Variants in WWP2 observed in about 807,000 individuals in gnomAD.
The protein encoded by WWP2 is WW domain containing E3 ubiquitin protein ligase 2.
Under a neutral mutation model 121.0 loss-of-function variants are expected in WWP2, and 57 were observed. The observed-to-expected ratio is 0.47, with a 90% CI of 0.38 to 0.59. The LOEUF (loss-of-function observed/expected upper bound fraction) is 0.59, where lower values mean the gene tolerates loss of function less well. WWP2 is among the 20% of genes least tolerant of loss of function. The pLI, the probability that WWP2 is intolerant of heterozygous loss-of-function variation, is 0.00. For missense variants in WWP2, 962 were observed against 1,158.9 expected, an observed-to-expected ratio of 0.83 and a Z score of 2.47; for synonymous variants, 449 against 441.3, an observed-to-expected ratio of 1.02 and a Z score of -0.22.
intron 6 of WWP2, among the ~76,000 whole-genome samples, chr16:69,867,663 G>C: frequency 6.6e-6 from 1 of 152,204 alleles, no homozygotes; most frequent in East Asian, 1.9e-4. Flanking sequence ...GGAGGCCTCA[G>C]TTCTTGAGAG....
chr16:69,916,036 CA>C (rs11337802), intron 9 of WWP2, among the ~76,000 whole-genome samples: 93,383 of 136,670 alleles, frequency 0.68, 30,443 homozygotes, highest in East Asian at 0.96. Flanking sequence ...GAGACCCTGT[CA>C]AAAAAAAAAA....
intron 15 of WWP2, 50 bp downstream of exon 15, chr16:69,931,630 G>A (rs1223477737): frequency 6.2e-7 from 1 of 1,609,802 alleles, no homozygotes; most frequent in Admixed American, 1.7e-5. Flanking sequence ...CCTCCTCCCA[G>A]CACCCCATCT....
chr16:69,854,202 G>A (rs757918597), intron 6 of WWP2, among the ~76,000 whole-genome samples: 1 of 152,204 alleles, frequency 6.6e-6, no homozygotes, highest in Non-Finnish European at 1.5e-5. Context: ...AAGAGTATGG[G>A]TGTTGGAGAA....
At chr16:69,801,228 T>A (rs1294306261) in intron 4 of WWP2, among the ~76,000 whole-genome samples, 3 of 150,108 alleles carry the variant, frequency 2.0e-5, no homozygotes, top group African/African-American at 7.3e-5. Context: ...TAATTTTTAT[T>A]TTTATATATA....
At chr16:69,814,264 G>A (rs1216987948) in intron 4 of WWP2, among the ~76,000 whole-genome samples, 1 of 152,094 alleles carries the variant, frequency 6.6e-6, no homozygotes, top group East Asian at 1.9e-4. Flanking sequence ...GGGCTCAAGC[G>A]ATCCTCTTGC....
chr16:69,786,917 T>C, intron 1 of WWP2, 79 bp from the exon 2 acceptor site: 1 of 1,291,132 alleles, frequency 7.7e-7, no homozygotes, highest in South Asian at 1.4e-5. Context: ...TTCTTTAAGC[T>C]TAAATATTGA....
intron 6 of WWP2, among the ~76,000 whole-genome samples, chr16:69,867,469 G>A (rs1027576724): frequency 5.9e-5 from 9 of 152,302 alleles, no homozygotes; most frequent in East Asian, 5.8e-4. Flanking sequence ...CATGAAGGGC[G>A]AGGCCAGGTG....
chr16:69,778,189 TA>T (rs368599518), intron 1 of WWP2, among the ~76,000 whole-genome samples: 362 of 88,442 alleles, frequency 4.1e-3, no homozygotes, highest in East Asian at 0.013. Context: ...TATATATATA[TA>T]TATTTTTTTT....
rs144747099 is a variant in WWP2 at position 69,897,517 on chromosome 16, C to T, written c.914+9268C>T. ...ATCTCATTCCCTGTATACAGTGATA[C>T]ATGGAACTTGGGACATGCATTTAAA... On this transcript the variant is annotated intron_variant, in intron 8 of 23. Transcript: ENST00000359154. 4.5e-4 allele frequency among the ~76,000 whole-genome samples: 68 copies of T among 152,290 alleles called. 1 individual carries two copies. Among genetic ancestry groups the T allele is most frequent in the African/African-American group, 1.6e-3 (67 of 41,562 alleles).
At chr16:69,784,274 A>G (rs993808989) in intron 1 of WWP2, among the ~76,000 whole-genome samples, 1 of 151,044 alleles carries the variant, frequency 6.6e-6, no homozygotes, top group African/African-American at 2.4e-5. Flanking sequence ...TAATTTTTGT[A>G]TTTTTAGTAG....
chr16:69,932,071 T>C (rs183963050), intron 16 of WWP2, among the ~76,000 whole-genome samples, 181 bp downstream of exon 16: 511 of 152,362 alleles, frequency 3.4e-3, no homozygotes, highest in Middle Eastern at 0.027. Flanking sequence ...GGCTCACGCC[T>C]ATAATCCCAG....
intron 8 of WWP2, among the ~76,000 whole-genome samples, chr16:69,900,395 G>A (rs764255802): frequency 4.6e-5 from 7 of 151,862 alleles, no homozygotes; most frequent in African/African-American, 9.7e-5. Flanking sequence ...TTGGGAGGCC[G>A]AAGCAGGAAG....
At chr16:69,910,315 C>T in intron 9 of WWP2, 1 of 954,052 alleles carries the variant, frequency 1.0e-6, no homozygotes, top group Non-Finnish European at 1.2e-6. Flanking sequence ...AATTGTGTCA[C>T]AAATTAAACA....
chr16:69,763,468 A>G (rs1223724014), intron 1 of WWP2, among the ~76,000 whole-genome samples: 2 of 152,244 alleles, frequency 1.3e-5, no homozygotes, highest in South Asian at 2.1e-4. Flanking sequence ...CGAATGTTCA[A>G]ACTGGACATT....
intron 6 of WWP2, among the ~76,000 whole-genome samples, chr16:69,871,208 CAA>C (rs1251342134): frequency 2.0e-5 from 3 of 152,076 alleles, no homozygotes; most frequent in Non-Finnish European, 2.9e-5. Flanking sequence ...CACTTGAGCC[CAA>C]GAGTTTGAGG....
chr16:69,762,599 C>T (rs2038637599), intron 1 of WWP2, among the ~76,000 whole-genome samples: 1 of 151,328 alleles, frequency 6.6e-6, no homozygotes, highest in Non-Finnish European at 1.5e-5. Flanking sequence ...CGCGCCGCGG[C>T]CCGCGCGGGG....
chr16:69,784,251 C>T (rs938601666), intron 1 of WWP2, among the ~76,000 whole-genome samples: 1 of 151,852 alleles, frequency 6.6e-6, no homozygotes, highest in Non-Finnish European at 1.5e-5. Flanking sequence ...AGGCGCCCAC[C>T]ACCATGCCCG....
chr16:69,812,674 C>A (rs2151833279), intron 4 of WWP2, among the ~76,000 whole-genome samples: 1 of 152,128 alleles, frequency 6.6e-6, no homozygotes, highest in East Asian at 1.9e-4. Flanking sequence ...TTCCCCTCAA[C>A]TTGGGGCTGT....
At chr16:69,786,592 A>G (rs1366927856) in intron 1 of WWP2, among the ~76,000 whole-genome samples, 1 of 151,686 alleles carries the variant, frequency 6.6e-6, no homozygotes, top group African/African-American at 2.4e-5. Context: ...CTGGGATTAC[A>G]GGCATGCAGC....
Sources: allele counts gnomAD v4.1 joint callset (sites outside exome capture counted in the v4.1 genomes callset), GRCh38; gene constraint gnomAD v4.1.1; transcripts MANE v1.5; gene names NCBI Gene and HGNC (gene_info 2026-07-23, HGNC 2026-07-21).